Variants in ARSG observed in about 807,000 individuals in gnomAD.
ARSG encodes the protein arylsulfatase G.
ARSG carries 37 observed loss-of-function variants against 50.5 expected under a neutral mutation model. The observed-to-expected ratio is 0.73, with a 90% CI of 0.56 to 0.96. The LOEUF is 0.96. Among genes scored for constraint, ARSG ranks in the 50% least tolerant of loss-of-function variants. The probability of loss-of-function intolerance (pLI) is 0.00; values close to 1 mark genes in which losing one functional copy is unlikely to be tolerated. For synonymous variants in ARSG, 225 were observed against 254.6 expected, an observed-to-expected ratio of 0.88 and a Z score of 1.11; for missense variants, 629 against 675.3, an observed-to-expected ratio of 0.93 and a Z score of 0.76.
chr17:68,425,912 C>A (rs1265207888), downstream of ARSG: 5 of 618,240 alleles, frequency 8.1e-6, no homozygotes, highest in Non-Finnish European at 1.4e-5. Context: ...GGATTCGAAG[C>A]ACACAGTACA....
intron 1 of ARSG, chr17:68,274,274 C>A: frequency 2.2e-6 from 1 of 445,930 alleles, no homozygotes. Context: ...AAGACTAGCC[C>A]GGGCAACATG....
chr17:68,410,852 G>C (rs1363587863), intron 11 of ARSG, among the ~76,000 whole-genome samples: 2 of 152,152 alleles, frequency 1.3e-5, no homozygotes, highest in African/African-American at 4.8e-5. Context: ...TTAGTCTTGG[G>C]AGAGTGTATG....
intron 1 of ARSG, among the ~76,000 whole-genome samples, chr17:68,266,476 CTT>C (rs113055013): frequency 2.9e-5 from 3 of 102,684 alleles, no homozygotes; most frequent in East Asian, 3.5e-4. Context: ...TATATATATA[CTT>C]TTTTTTTGTA....
chr17:68,343,576 G>A (rs781449113), intron 2 of ARSG, 28 bp from the exon 3 acceptor site: 8 of 1,565,218 alleles, frequency 5.1e-6, no homozygotes, highest in Non-Finnish European at 6.1e-6. Context: ...TGGTTGGTGC[G>A]GTCCTGACCA....
intron 8 of ARSG, among the ~76,000 whole-genome samples, chr17:68,375,267 C>A (rs1426442657): frequency 6.6e-6 from 1 of 152,156 alleles, no homozygotes; most frequent in East Asian, 1.9e-4. Flanking sequence ...ACATCTAGAC[C>A]ATGAGTCTAG....
At chr17:68,388,367 G>T (rs1294277695) in intron 9 of ARSG, among the ~76,000 whole-genome samples, 1 of 152,092 alleles carries the variant, frequency 6.6e-6, no homozygotes, top group African/African-American at 2.4e-5. Context: ...TGCCAATCGT[G>T]TCCCCACCCC....
At position 68,344,651 on chromosome 17, in the gene ARSG, C is replaced by G. The variant is rs560586536; in HGVS notation, c.406+860C>G. Among the ~76,000 whole-genome samples, 73 of 152,386 alleles carry G rather than the reference C, an allele frequency of 4.8e-4. 1 individual carries two copies. In the South Asian group the frequency reaches 0.015, roughly 32 times the overall value. On this transcript the variant is annotated intron_variant, in intron 3 of 11. Transcript: ENST00000621439. ...CTGTTCCCAGCCTTGCCCTGAGGCT[C>G]TGCCTCACTGCCCTTCTCCCCTCCA...
chr17:68,361,124 C>T (rs2146570044), intron 6 of ARSG, among the ~76,000 whole-genome samples: 1 of 152,250 alleles, frequency 6.6e-6, no homozygotes. Context: ...CGTGCCCGGC[C>T]TGAAATCAGA....
Position 68,338,803 on chromosome 17 carries a change from C to T in ARSG, c.219-4801C>T, listed in dbSNP as rs369368717. Among the ~76,000 whole-genome samples the T allele has an allele frequency of 2.9e-4, 44 of 152,278 alleles. 1 individual carries two copies. The highest frequency in any genetic ancestry group is 8.5e-4 in the Admixed American group (13 of 15,294). On this transcript the variant is annotated intron_variant, in intron 2 of 11. Transcript: ENST00000621439. ...AAGCTAAAAAATGGTTATAACTATT[C>T]GTTGTAAAATGGAAACGACCTCCTT...
intron 2 of ARSG, among the ~76,000 whole-genome samples, chr17:68,310,272 G>A (rs1331794998): frequency 6.6e-6 from 1 of 152,190 alleles, no homozygotes; most frequent in Non-Finnish European, 1.5e-5. Flanking sequence ...AACATCCAGA[G>A]TTTTTGGAGA....
chr17:68,297,146 GGACAAA>G (rs1568431964), intron 1 of ARSG, among the ~76,000 whole-genome samples: 2 of 152,288 alleles, frequency 1.3e-5, no homozygotes, highest in Non-Finnish European at 2.9e-5. Context: ...CAAGCATCCT[GGACAAA>G]GAGTTCTTTT....
chr17:68,400,900 T>C (rs79045038), intron 10 of ARSG: 5,671 of 152,748 alleles, frequency 0.037, 152 homozygotes, highest in Non-Finnish European at 0.049. Flanking sequence ...TCCCTGGAGT[T>C]GACTGGTGTG....
the ARSG span, among the ~76,000 whole-genome samples, chr17:68,437,005 A>ATAT: frequency 2.8e-4 from 30 of 107,188 alleles, no homozygotes; most frequent in African/African-American, 1.1e-3. Context: ...AAAAAAAAAA[A>ATAT]ATATATATAT....
chr17:68,343,859 C>A (rs141203586), intron 3 of ARSG, 68 bp downstream of exon 3: 51 of 1,445,862 alleles, frequency 3.5e-5, no homozygotes, highest in Non-Finnish European at 4.7e-5. Context: ...TGCAAATTCC[C>A]AACATACTCC....
At chr17:68,293,426 G>T (rs188856483) in intron 1 of ARSG, among the ~76,000 whole-genome samples, 2 of 152,162 alleles carry the variant, frequency 1.3e-5, no homozygotes, top group African/African-American at 2.4e-5. Context: ...AGGAGTGAAT[G>T]AATGATTGGA....
chr17:68,375,972 C>T (rs544651347), intron 8 of ARSG, among the ~76,000 whole-genome samples: 69 of 152,238 alleles, frequency 4.5e-4, no homozygotes, highest in African/African-American at 1.5e-3. Context: ...GTGAAATTTA[C>T]ATCACATAAA....
At chr17:68,361,799 C>T (rs2099357428) in intron 6 of ARSG, among the ~76,000 whole-genome samples, 2 of 152,048 alleles carry the variant, frequency 1.3e-5, no homozygotes, top group African/African-American at 2.4e-5. Flanking sequence ...TGCCTGTAAT[C>T]CCAGCTACTT....
At chr17:68,426,264 A>C, downstream of ARSG, 1 of 1,022,612 alleles carries the variant, frequency 9.8e-7, no homozygotes. Flanking sequence ...GCTCAAATAA[A>C]GGGCAAAGGA....
At chr17:68,267,036 T>TA (rs1475913212) in intron 1 of ARSG, 4 of 152,126 alleles carry the variant, frequency 2.6e-5, no homozygotes, top group African/African-American at 4.8e-5. Context: ...TCTCTTTAAA[T>TA]AAAAAATCCA....
Sources: allele counts gnomAD v4.1 joint callset (sites outside exome capture counted in the v4.1 genomes callset), GRCh38; gene constraint gnomAD v4.1.1; transcripts MANE v1.5; gene names NCBI Gene and HGNC (gene_info 2026-07-23, HGNC 2026-07-21).